Variants in NRG3 observed in about 807,000 individuals in gnomAD.
NRG3 encodes the protein pro-neuregulin-3, membrane-bound isoform.
In NRG3, 31 loss-of-function variants were observed where a neutral mutation model predicts 66.9. That is an observed-to-expected ratio of 0.46 (90% CI 0.35 to 0.63). NRG3 has a LOEUF of 0.63. Among genes scored for constraint, NRG3 ranks in the 20% least tolerant of loss-of-function variants. The pLI is 0.00. For synonymous variants in NRG3, 393 were observed against 359.4 expected (o/e 1.09, Z -1.06); for missense variants, 910 against 878.9 (o/e 1.04, Z -0.45).
rs60882154 is a variant in NRG3, at chr10:82,301,686, C to CTATATATATATATATATATATA, written c.824-57032_824-57031insATATATATATATATATATATAT. On this transcript the variant is annotated intron_variant, in intron 1 of 8. Transcript: ENST00000372141. ...TATGTATATGTATACACATATATTCCTATATATATATATATATATATGTAA... is the reference window on the plus strand; with the variant it reads ...TATGTATATGTATACACATATATTCCTATATATATATATATATATATATATATATATATATATATATATGTAA... Among the ~76,000 whole-genome samples the CTATATATATATATATATATATA allele has an allele frequency of 7.5e-3, 1,032 of 137,288 alleles. 7 individuals carry two copies. Among genetic ancestry groups the CTATATATATATATATATATATA allele is most frequent in the Non-Finnish European group, 0.012 (771 of 62,852 alleles). 90.1% of individuals were successfully genotyped at this position (137,288 alleles called of 152,430 possible). A position where few individuals can be genotyped will look rare whatever the true frequency, so the allele number is the denominator to read the frequency against.
chr10:82,052,851 A>C (rs572341267), intron 1 of NRG3, among the ~76,000 whole-genome samples: 1 of 152,324 alleles, frequency 6.6e-6, no homozygotes, highest in Non-Finnish European at 1.5e-5. Flanking sequence ...AAGGAAAAAA[A>C]GTTTTCTTTT....
At chr10:82,838,521 C>A (rs2062891642) in intron 3 of NRG3, among the ~76,000 whole-genome samples, 1 of 152,044 alleles carries the variant, frequency 6.6e-6, no homozygotes, top group Admixed American at 6.6e-5. Flanking sequence ...TCATGCTCAA[C>A]AAAGATTTAG....
chr10:82,701,845 G>A (rs1331168637), intron 2 of NRG3, among the ~76,000 whole-genome samples: 2 of 152,182 alleles, frequency 1.3e-5, no homozygotes, highest in Admixed American at 6.5e-5. Context: ...TTAGCTTTCG[G>A]TGTCTAAGAA....
At chr10:82,250,430 C>A (rs959598221) in intron 1 of NRG3, among the ~76,000 whole-genome samples, 1 of 151,890 alleles carries the variant, frequency 6.6e-6, no homozygotes, top group Non-Finnish European at 1.5e-5. Flanking sequence ...ACTAAAAATA[C>A]AAAAAATTAT....
intron 1 of NRG3, among the ~76,000 whole-genome samples, chr10:82,054,843 A>AATAAT (rs2063757266): frequency 6.9e-6 from 1 of 145,394 alleles, no homozygotes; most frequent in Admixed American, 6.8e-5. Flanking sequence ...CCAGATCTAT[A>AATAAT]AAAAAAAATA....
intron 4 of NRG3, among the ~76,000 whole-genome samples, chr10:82,897,763 A>G (rs1040454022): frequency 3.3e-5 from 5 of 151,692 alleles, no homozygotes; most frequent in Admixed American, 3.3e-4. Flanking sequence ...CAGGTGATCC[A>G]CCCGCCTCAG....
intron 2 of NRG3, among the ~76,000 whole-genome samples, chr10:82,600,768 A>G (rs1429776168): frequency 1.3e-5 from 2 of 151,924 alleles, no homozygotes; most frequent in African/African-American, 2.4e-5. Flanking sequence ...GTGCCTGGCC[A>G]TATCTCATTT....
At chr10:82,284,848 A>G (rs965639008) in intron 1 of NRG3, among the ~76,000 whole-genome samples, 2 of 152,074 alleles carry the variant, frequency 1.3e-5, no homozygotes, top group Non-Finnish European at 2.9e-5. Flanking sequence ...TTCCATTTAC[A>G]TCCTAGGAAG....
At chr10:81,996,346 G>A (rs7069222) in intron 1 of NRG3, among the ~76,000 whole-genome samples, 68,941 of 151,938 alleles carry the variant, frequency 0.45, 19,569 homozygotes, top group East Asian at 0.77. Context: ...AATGTTGCCA[G>A]TATCGTTGTT....
Position 82,728,382 on chromosome 10 carries a change from T to C in NRG3, c.954-10195T>C, listed in dbSNP as rs1386993860. Among the ~76,000 whole-genome samples the C allele has an allele frequency of 1.9e-4, 29 of 152,148 alleles. 1 individual carries two copies. The highest frequency in any genetic ancestry group is 1.5e-5 in the Non-Finnish European group (1 of 68,024). On this transcript the variant is annotated intron_variant, in intron 2 of 8. Coordinates refer to ENST00000372141, the MANE Select transcript of NRG3 (RefSeq NM_001010848.4). Reference sequence around the variant, plus strand: ...TTGAATCGTGGGGTCTGGTCTTTCCTATGCTGTTCTCATGATACTAAATGG... The same window carrying C: ...TTGAATCGTGGGGTCTGGTCTTTCCCATGCTGTTCTCATGATACTAAATGG...
intron 4 of NRG3, among the ~76,000 whole-genome samples, chr10:82,897,207 T>A (rs1198910067): frequency 1.3e-5 from 2 of 152,232 alleles, no homozygotes; most frequent in Admixed American, 6.5e-5. Context: ...CAATATTTAC[T>A]GCAGAATTTC....
Position 82,437,531 on chromosome 10 carries a change from A to G in NRG3, c.953+78663A>G, listed in dbSNP as rs141149342. 7.8e-3 allele frequency among the ~76,000 whole-genome samples: 1,187 copies of G among 152,126 alleles called. 43 individuals carry two copies. The highest frequency in any genetic ancestry group is 0.064 in the East Asian group (328 of 5,132). ...TTTTACTACCCATCTTCTAAAGCCTACTTCTGTCAATTCATCCATCTGATT... is the reference window on the plus strand; with the variant it reads ...TTTTACTACCCATCTTCTAAAGCCTGCTTCTGTCAATTCATCCATCTGATT... On this transcript the variant is annotated intron_variant, in intron 2 of 8. Coordinates refer to ENST00000372141, the MANE Select transcript of NRG3 (RefSeq NM_001010848.4).
At chr10:82,815,341 T>G (rs2135533089) in intron 3 of NRG3, among the ~76,000 whole-genome samples, 1 of 152,288 alleles carries the variant, frequency 6.6e-6, no homozygotes, top group South Asian at 2.1e-4. Context: ...CCCATTTCAT[T>G]GATTTCCCCA....
chr10:82,308,242 A>G (rs2080848248), intron 1 of NRG3, among the ~76,000 whole-genome samples: 1 of 152,056 alleles, frequency 6.6e-6, no homozygotes, highest in Admixed American at 6.5e-5. Flanking sequence ...ACACACCACC[A>G]TGCCTGGCTA....
intron 1 of NRG3, among the ~76,000 whole-genome samples, chr10:82,039,790 G>T (rs942088769): frequency 4.6e-5 from 7 of 152,042 alleles, no homozygotes; most frequent in African/African-American, 1.7e-4. Context: ...TGCCAGCTCA[G>T]GTCTAAGTAT....
Position 82,110,347 on chromosome 10 carries a change from A to G in NRG3, c.823+234184A>G, listed in dbSNP as rs933637114. On this transcript the variant is annotated intron_variant, in intron 1 of 8. Coordinates refer to ENST00000372141, the MANE Select transcript of NRG3 (RefSeq NM_001010848.4). ...TAGGAGATGATGTTAGAGAGATAAC[A>G]GGAGACCAGATTGTATAAAATGTTG... 2.6e-5 allele frequency among the ~76,000 whole-genome samples: 4 copies of G among 152,296 alleles called. No homozygotes were observed. In the Middle Eastern group the frequency reaches 0.01, roughly 389 times the overall value.
chr10:82,415,754 G>A (rs1564896440), intron 2 of NRG3, among the ~76,000 whole-genome samples: 1 of 152,078 alleles, frequency 6.6e-6, no homozygotes, highest in Non-Finnish European at 1.5e-5. Flanking sequence ...TGTATAATTG[G>A]TAGGACGTGA....
chr10:82,434,387 T>C (rs1268458705), intron 2 of NRG3, among the ~76,000 whole-genome samples: 7 of 152,138 alleles, frequency 4.6e-5, no homozygotes, highest in Admixed American at 6.5e-5. Context: ...AATCATGTTG[T>C]CCGCAAACAG....
chr10:82,852,981 A>G (rs2063635183), intron 3 of NRG3, among the ~76,000 whole-genome samples: 1 of 152,182 alleles, frequency 6.6e-6, no homozygotes, highest in African/African-American at 2.4e-5. Context: ...GAAGACATTT[A>G]AAAAATCTTT....
Sources: allele counts gnomAD v4.1 joint callset (sites outside exome capture counted in the v4.1 genomes callset), GRCh38; gene constraint gnomAD v4.1.1; transcripts MANE v1.5; gene names NCBI Gene and HGNC (gene_info 2026-07-23, HGNC 2026-07-21).